WDR17: variants seen among roughly 807,000 people sequenced by gnomAD.
WDR17 encodes the protein WD repeat-containing protein 17.
In WDR17, 143 loss-of-function variants were observed where a neutral mutation model predicts 161.7. The observed-to-expected ratio is 0.88, with a 90% CI of 0.77 to 1.02. The LOEUF is 1.02. Among genes scored for constraint, WDR17 ranks in the 50% least tolerant of loss-of-function variants. WDR17 has a pLI of 0.00. For missense variants in WDR17, 1,469 were observed against 1,520.9 expected (o/e 0.97, Z 0.57); for synonymous variants, 517 against 515.6 (o/e 1.00, Z -0.04).
chr4:176,120,321 A>ATATAT (rs1561130376), intron 4 of WDR17, among the ~76,000 whole-genome samples: 28 of 134,872 alleles, frequency 2.1e-4, no homozygotes, highest in African/African-American at 8.1e-4. Context: ...TATATATATA[A>ATATAT]TACATTCAAC....
At position 176,179,458 on chromosome 4, in the gene WDR17, A is replaced by AG. The variant is rs777412481; in HGVS notation, c.3734dup. 6 of 1,593,956 alleles carry AG rather than the reference A, an allele frequency of 3.8e-6. No individual in the cohort carries two copies. The highest frequency in any genetic ancestry group is 5.1e-6 in the Non-Finnish European group (6 of 1,169,318). ...TCTCTTTCCTCAACTCTCACTGTGC[A>AG]GGGCCCTGTGTTTTTCCTTGAAGAC... On this transcript the variant is annotated splice_acceptor_variant, in intron 28 of 28. Coordinates refer to ENST00000508596, the MANE Select transcript of WDR17 (RefSeq NM_181265.4). LOFTEE classifies it high-confidence loss of function.
intron 1 of WDR17, among the ~76,000 whole-genome samples, chr4:176,107,864 T>C (rs914439647): frequency 1.3e-5 from 2 of 151,182 alleles, no homozygotes; most frequent in African/African-American, 4.9e-5. Flanking sequence ...TTTTCTTCCT[T>C]CCTTCCTTTT....
chr4:176,162,826 A>G (rs1749231001), intron 21 of WDR17, among the ~76,000 whole-genome samples: 1 of 152,156 alleles, frequency 6.6e-6, no homozygotes, highest in South Asian at 2.1e-4. Flanking sequence ...GCTCTTAAAA[A>G]TTTACATTTT....
At chr4:176,173,168 G>A (rs866584582) in intron 24 of WDR17, 99 bp from the exon 25 acceptor site, 3 of 734,844 alleles carry the variant, frequency 4.1e-6, no homozygotes, top group Non-Finnish European at 6.6e-6. Context: ...GAGGTAAGTA[G>A]GACTGACTGA....
chr4:176,136,182 TCTC>T (rs1240781591), intron 8 of WDR17, among the ~76,000 whole-genome samples: 2 of 151,620 alleles, frequency 1.3e-5, no homozygotes, highest in Non-Finnish European at 3.0e-5. Context: ...GTATCCTTCA[TCTC>T]CTACAATGAG....
intron 1 of WDR17, among the ~76,000 whole-genome samples, chr4:176,078,120 C>T (rs969917200): frequency 6.6e-6 from 1 of 151,946 alleles, no homozygotes; most frequent in Non-Finnish European, 1.5e-5. Flanking sequence ...TAGTTCATTC[C>T]TTCTTATTGC....
At position 176,096,855 on chromosome 4, in the gene WDR17, A is replaced by G. The variant is rs537729919; in HGVS notation, c.-6-14720A>G. ...AATTCTCTTAGGCTTTAAATATAAA[A>G]TAATATTTTATATATTGAGATTAAT... On this transcript the variant is annotated intron_variant, in intron 1 of 28. Coordinates refer to ENST00000508596, the MANE Select transcript of WDR17 (RefSeq NM_181265.4). 3.3e-5 allele frequency among the ~76,000 whole-genome samples: 5 copies of G among 151,832 alleles called. No individual in the cohort carries two copies. The South Asian group carries it at 8.3e-4, about 25-fold the overall frequency.
In WDR17 at chr4:176,128,779, A is replaced by C. The variant is rs780447341; in HGVS notation, c.832A>C (p.Thr278Pro). The stretch of plus-strand genomic sequence containing the variant: ...TTTACGCATTTGGAATGTTTCAAGA[A>C]CAACACCTATTGATAATCTTAAATT... ...GVLRIWNVSR[T>P]TPIDNLKLKK... is the part of the protein sequence containing the mutation. The change falls in exon 6 of 29, where the codon ACA (threonine) becomes CCA (proline). Residue 278 changes from threonine to proline, a missense_variant. Thr to Pro is a conservative substitution (Grantham distance 38). Coordinates refer to ENST00000508596, the MANE Select transcript of WDR17 (RefSeq NM_181265.4). 2.5e-6 allele frequency: 4 copies of C among 1,606,002 alleles called. No individual in the cohort carries two copies. In the Admixed American group the frequency reaches 6.8e-5, roughly 27 times the overall value.
At chr4:176,092,336 C>G (rs1736233570) in intron 1 of WDR17, among the ~76,000 whole-genome samples, 1 of 144,368 alleles carries the variant, frequency 6.9e-6, no homozygotes, top group Non-Finnish European at 1.6e-5. Flanking sequence ...GGATGAAGGA[C>G]AAAAACCATA....
intron 1 of WDR17, among the ~76,000 whole-genome samples, chr4:176,097,889 G>A (rs780383924): frequency 4.4e-4 from 67 of 152,006 alleles, no homozygotes; most frequent in Non-Finnish European, 5.9e-4. Flanking sequence ...GAGATTATGA[G>A]AATTCAAAAT....
intron 22 of WDR17, among the ~76,000 whole-genome samples, chr4:176,164,221 G>C (rs1419399009): frequency 1.3e-5 from 2 of 152,130 alleles, no homozygotes; most frequent in African/African-American, 2.4e-5. Flanking sequence ...ATTTTCCTGA[G>C]GTCGCAGTAA....
intron 13 of WDR17, 139 bp from the exon 14 acceptor site, chr4:176,149,668 A>G (rs1295653860): frequency 2.3e-6 from 2 of 883,642 alleles, no homozygotes; most frequent in African/African-American, 1.7e-5. Flanking sequence ...TTAAATGCAG[A>G]TAGGTTGACT....
In WDR17 at chr4:176,072,716, G is replaced by A. The variant is rs149147940; in HGVS notation, c.-7+6637G>A. 4.6e-3 allele frequency among the ~76,000 whole-genome samples: 693 copies of A among 152,156 alleles called. 7 individuals are homozygous for A. The highest frequency in any genetic ancestry group is 0.016 in the African/African-American group (671 of 41,492). ...GAAGACATATTTTTTGCATAGCTCC[G>A]AGCACATAGTATATTTACACTTTAA... On this transcript the variant is annotated intron_variant, in intron 1 of 28. Coordinates refer to ENST00000508596, the MANE Select transcript of WDR17 (RefSeq NM_181265.4).
At chr4:176,094,135 T>G (rs1444801959) in intron 1 of WDR17, among the ~76,000 whole-genome samples, 1 of 152,210 alleles carries the variant, frequency 6.6e-6, no homozygotes, top group Non-Finnish European at 1.5e-5. Context: ...CTTAAGTGAT[T>G]TTGTTTAGCT....
At chr4:176,091,366 A>G (rs1373802023) in intron 1 of WDR17, among the ~76,000 whole-genome samples, 1 of 152,212 alleles carries the variant, frequency 6.6e-6, no homozygotes, top group East Asian at 1.9e-4. Flanking sequence ...ATACAAACAC[A>G]TGGATATTAA....
At chr4:176,080,302 G>T (rs187926035) in intron 1 of WDR17, among the ~76,000 whole-genome samples, 1 of 151,706 alleles carries the variant, frequency 6.6e-6, no homozygotes, top group Non-Finnish European at 1.5e-5. Flanking sequence ...AAAACTTGGG[G>T]GTAAATGTAT....
In WDR17 at chr4:176,166,910, A is replaced by G. The variant is rs571897693; in HGVS notation, c.2991-1762A>G. Reference sequence around the variant, plus strand: ...GAAAAATTATTGTAATCTTTTATCAATTCTCTTTTGACATTATCTAGAAAA... The same window carrying G: ...GAAAAATTATTGTAATCTTTTATCAGTTCTCTTTTGACATTATCTAGAAAA... On this transcript the variant is annotated intron_variant, in intron 22 of 28. Transcript: ENST00000508596. Among the ~76,000 whole-genome samples the G allele has an allele frequency of 6.6e-5, 10 of 152,294 alleles. No homozygotes were observed. The East Asian group carries it at 1.2e-3, about 18-fold the overall frequency.
chr4:176,175,433 C>T (rs1359047347), intron 26 of WDR17, among the ~76,000 whole-genome samples: 1 of 152,186 alleles, frequency 6.6e-6, no homozygotes, highest in South Asian at 2.1e-4. Flanking sequence ...ATAAAATTCA[C>T]GGTGCCTTCC....
intron 1 of WDR17, among the ~76,000 whole-genome samples, chr4:176,099,098 G>C (rs1737381120): frequency 1.3e-5 from 2 of 152,072 alleles, no homozygotes; most frequent in South Asian, 4.1e-4. Context: ...TAAATAAGCA[G>C]AGAAACTGCT....
Sources: gnomAD v4.1 joint callset for allele counts (sites outside exome capture counted in the v4.1 genomes callset) on GRCh38, gnomAD v4.1.1 for gene constraint, MANE v1.5 for transcripts, NCBI Gene and HGNC (gene_info 2026-07-23, HGNC 2026-07-21) for gene names.